Variants in ERP44 observed in about 807,000 individuals in gnomAD.
The protein encoded by ERP44 is endoplasmic reticulum protein 44, also known as endoplasmic reticulum resident protein 44.
ERP44 carries 25 observed loss-of-function variants against 53.4 expected under a neutral mutation model. The ratio of observed to expected loss-of-function variants is 0.47; its 90% confidence interval spans 0.34 to 0.65. The LOEUF (loss-of-function observed/expected upper bound fraction) is 0.65, where lower values mean the gene tolerates loss of function less well. Ranked by LOEUF, ERP44 falls within the 30% of genes least tolerant of loss-of-function variation. The probability of loss-of-function intolerance (pLI) is 0.01; values close to 1 mark genes in which losing one functional copy is unlikely to be tolerated. For synonymous variants in ERP44, 145 were observed against 161.2 expected (o/e 0.90, Z 0.76); for missense variants, 338 against 493.2 (o/e 0.69, Z 2.98).
intron 1 of ERP44, among the ~76,000 whole-genome samples, chr9:100,065,339 T>C (rs1162605775): frequency 6.6e-6 from 1 of 152,208 alleles, no homozygotes; most frequent in Non-Finnish European, 1.5e-5. Flanking sequence ...CTATACCATC[T>C]AGGTTTGTGT....
At position 100,076,553 on chromosome 9, in the gene ERP44, C is replaced by G. The variant is rs562874206; in HGVS notation, c.58-16381G>C. Among the ~76,000 whole-genome samples the G allele has an allele frequency of 2.1e-3, 316 of 152,296 alleles. 2 individuals are homozygous for G. The highest frequency in any genetic ancestry group is 7.2e-3 in the African/African-American group (301 of 41,554). ...GGAGAAGGGAAATCTTCCCAGTGGG[C>G]AAAACTTCAAGCAGTGTACCTGGCT... is the stretch of plus-strand genomic sequence containing the variant. On this transcript the variant is annotated intron_variant, in intron 1 of 11. Coordinates refer to ENST00000262455, the MANE Select transcript of ERP44 (RefSeq NM_015051.3).
Position 100,060,164 on chromosome 9 carries a change from C to A in ERP44, c.66G>T (p.Trp22Cys), listed in dbSNP as rs1167160888. Residue 22 changes from tryptophan (W) to cysteine (C), a missense_variant, in exon 2 of 12, where the codon TGG becomes TGT. Around this residue, in one of 3 missense-constraint regions of ERP44, gnomAD observed 224 missense variants for 301.4 expected, o/e 0.74. Transcript: ENST00000262455. ...TTTCAGTTGTTACAGGAGTAAAAAC[C>A]CAAGTTACCTGAAAATTTAAAAAAT... is the stretch of plus-strand genomic sequence containing the variant. ...LRCSLLLLVT[W>C]VFTPVTTEIT... 6 of 1,486,564 alleles carry A rather than the reference C, an allele frequency of 4.0e-6. No homozygotes were observed. Among genetic ancestry groups the A allele is most frequent in the South Asian group, 1.5e-5 (1 of 68,520 alleles). The allele number at this position is 1,486,564 out of a possible 1,614,324, so 92.1% of individuals were successfully genotyped here.
intron 10 of ERP44, among the ~76,000 whole-genome samples, chr9:99,999,393 TCCATGGGTTGTCAAAGACA>T (rs1229587595): frequency 6.6e-6 from 1 of 152,230 alleles, no homozygotes; most frequent in Non-Finnish European, 1.5e-5. Flanking sequence ...TTTCTCCCAC[TCCATGGGTTGTCAAAGACA>T]CCATTCTAAT....
At chr9:100,056,210 T>C (rs1180015210) in intron 3 of ERP44, among the ~76,000 whole-genome samples, 2 of 152,210 alleles carry the variant, frequency 1.3e-5, no homozygotes, top group African/African-American at 2.4e-5. Context: ...CTCAGTTTTC[T>C]TATTTTAAAA....
chr9:100,063,075 C>CCAAAAAAAAAA (rs1178978077), intron 1 of ERP44, among the ~76,000 whole-genome samples: 1 of 40,084 alleles, frequency 2.5e-5, no homozygotes, highest in East Asian at 1.3e-3. Context: ...CCCTGTCTCA[C>CCAAAAAAAAAA]AAAAAAAAAA....
chr9:100,027,798 G>A (rs1462106625), intron 4 of ERP44, among the ~76,000 whole-genome samples: 1 of 152,124 alleles, frequency 6.6e-6, no homozygotes, highest in Non-Finnish European at 1.5e-5. Flanking sequence ...AATACAAAGA[G>A]GCAGATCATT....
chr9:100,010,119 C>T (rs965424510), intron 8 of ERP44, among the ~76,000 whole-genome samples: 1 of 152,150 alleles, frequency 6.6e-6, no homozygotes, highest in African/African-American at 2.4e-5. Flanking sequence ...TTCTCTTTTC[C>T]TCACAATCAA....
chr9:100,068,025 A>T (rs987387751), intron 1 of ERP44, among the ~76,000 whole-genome samples: 1 of 130,618 alleles, frequency 7.7e-6, no homozygotes. Flanking sequence ...TCCGGGAGGG[A>T]GGTGGGGGGG....
intron 10 of ERP44, among the ~76,000 whole-genome samples, chr9:99,988,000 G>A (rs1237865972): frequency 6.6e-6 from 1 of 152,134 alleles, no homozygotes. Context: ...TAAATGCCAG[G>A]TTATATGGTA....
intron 8 of ERP44, 24 bp downstream of exon 8, chr9:100,016,298 C>T (rs1441128244): frequency 6.3e-7 from 1 of 1,584,224 alleles, no homozygotes; most frequent in African/African-American, 1.4e-5. Flanking sequence ...TTTAAAGTAA[C>T]AATGCACAGT....
intron 4 of ERP44, among the ~76,000 whole-genome samples, chr9:100,038,914 T>C (rs1435631906): frequency 6.6e-6 from 1 of 152,162 alleles, no homozygotes; most frequent in Non-Finnish European, 1.5e-5. Context: ...GAAGGTCACA[T>C]ATAATGACAA....
chr9:99,998,982 G>A lies in ERP44; in HGVS notation c.1016+7524C>T, dbSNP rs901726516. ...GTTTTTATATTCTGGATCTCAGGTC[G>A]GCGGCAAAGAACTGGAAGTAGTCGT... On this transcript the variant is annotated intron_variant, in intron 10 of 11. Coordinates refer to ENST00000262455, the MANE Select transcript of ERP44 (RefSeq NM_015051.3). 8 of 1,382,120 alleles carry A rather than the reference G, an allele frequency of 5.8e-6. 1 individual carries two copies. The highest frequency in any genetic ancestry group is 2.3e-5 in the South Asian group (2 of 85,326). The allele number at this position is 1,382,120 out of a possible 1,614,324, so 85.6% of individuals were successfully genotyped here.
At chr9:100,001,500 T>C (rs1398728089) in intron 10 of ERP44, among the ~76,000 whole-genome samples, 2 of 152,230 alleles carry the variant, frequency 1.3e-5, no homozygotes, top group Non-Finnish European at 2.9e-5. Context: ...ATTTTCTTTA[T>C]ATATTTTGGT....
intron 8 of ERP44, among the ~76,000 whole-genome samples, chr9:100,011,320 C>T (rs1178143135): frequency 1.3e-5 from 2 of 152,048 alleles, no homozygotes; most frequent in Admixed American, 6.6e-5. Flanking sequence ...GTCTTATCTA[C>T]CTTAAAATGC....
At chr9:100,046,996 T>C (rs561616105) in intron 4 of ERP44, among the ~76,000 whole-genome samples, 129 of 152,268 alleles carry the variant, frequency 8.5e-4, no homozygotes, top group African/African-American at 2.9e-3. Context: ...CAAGATGCAA[T>C]GACAGTGAAG....
At chr9:100,069,905 G>A (rs752343504) in intron 1 of ERP44, among the ~76,000 whole-genome samples, 1 of 152,046 alleles carries the variant, frequency 6.6e-6, no homozygotes, top group Non-Finnish European at 1.5e-5. Context: ...GTTCTTCAGC[G>A]TATTTAAAAA....
chr9:100,007,890 A>C (rs1313377525), intron 8 of ERP44, among the ~76,000 whole-genome samples: 1 of 152,208 alleles, frequency 6.6e-6, no homozygotes, highest in Non-Finnish European at 1.5e-5. Flanking sequence ...TCAAGTACCC[A>C]GACAGTCAGA....
At chr9:100,007,486 G>C in intron 9 of ERP44, 92 bp downstream of exon 9, 1 of 715,254 alleles carries the variant, frequency 1.4e-6, no homozygotes, top group Non-Finnish European at 2.5e-6. Context: ...ATATGTTTAT[G>C]TGATTTGACA....
At chr9:100,069,801 GAAAC>G (rs1480050686) in intron 1 of ERP44, among the ~76,000 whole-genome samples, 1 of 152,010 alleles carries the variant, frequency 6.6e-6, no homozygotes, top group African/African-American at 2.4e-5. Flanking sequence ...CAAATAAAAA[GAAAC>G]AAAATTTGTT....
Sources: allele counts gnomAD v4.1 joint callset (sites outside exome capture counted in the v4.1 genomes callset), GRCh38; gene constraint gnomAD v4.1.1; regional missense constraint gnomAD v4.1.1; transcripts MANE v1.5; gene names NCBI Gene and HGNC (gene_info 2026-07-23, HGNC 2026-07-21).